Variants in ZNF43 observed in about 807,000 individuals in gnomAD.
The protein encoded by ZNF43 is zinc finger protein 39-like 1 (KOX 27).
ZNF43 carries 44 observed loss-of-function variants against 68.4 expected under a neutral mutation model. The observed-to-expected ratio is 0.64, with a 90% CI of 0.51 to 0.83. The LOEUF (loss-of-function observed/expected upper bound fraction) is 0.83. ZNF43 is among the 40% of genes least tolerant of loss of function. ZNF43 has a pLI of 0.00. For missense variants in ZNF43, 896 were observed against 933.2 expected, an observed-to-expected ratio of 0.96 and a Z score of 0.52; for synonymous variants, 308 against 307.8, an observed-to-expected ratio of 1.00 and a Z score of -0.01.
intron 1 of ZNF43, chr19:21,843,406 T>C (rs768492699): frequency 8.4e-5 from 83 of 984,794 alleles, no homozygotes; most frequent in East Asian, 2.3e-4. Context: ...CATTTGGATA[T>C]TGGGTCTAAG....
chr19:21,837,463 C>A (rs559523747), upstream of ZNF43, among the ~76,000 whole-genome samples: 35 of 112,212 alleles, frequency 3.1e-4, no homozygotes, highest in Non-Finnish European at 5.3e-4. Flanking sequence ...CTTGCTCTGT[C>A]GACCAGGCTG....
intron 3 of ZNF43, 28 bp from the exon 4 acceptor site, chr19:21,809,835 T>G: frequency 6.7e-7 from 1 of 1,496,874 alleles, no homozygotes; most frequent in Non-Finnish European, 8.9e-7. Flanking sequence ...AACAAATTAT[T>G]CCACTTGCTA....
At chr19:21,846,712 T>C (rs1967979150) in intron 1 of ZNF43, among the ~76,000 whole-genome samples, 1 of 152,198 alleles carries the variant, frequency 6.6e-6, no homozygotes, top group African/African-American at 2.4e-5. Context: ...AAATCAGCTA[T>C]GTGCTGCAAA....
intron 1 of ZNF43, among the ~76,000 whole-genome samples, chr19:21,850,232 T>C (rs1599557148): frequency 1.3e-5 from 2 of 152,146 alleles, no homozygotes; most frequent in African/African-American, 2.4e-5. Context: ...TCCTAGGTGA[T>C]TGATGCAGAG....
rs748612562 is a variant in ZNF43 at position 21,809,520 on chromosome 19, GT to G, written c.516del (p.Lys172AsnfsTer18). 6.2e-6 allele frequency: 10 copies of G among 1,613,062 alleles called. No individual in the cohort carries two copies. The highest frequency in any genetic ancestry group is 2.2e-5 in the South Asian group (2 of 91,052). ...TTGCCACATTCTTTGCATTTGAAAA[GT>G]TTTTTTTCAGTATGGCTTATCTTAT... ...NRHKISHTEK[K>X]LFKCKECGKS... On this transcript the variant is annotated frameshift_variant, in exon 4 of 4. Coordinates refer to ENST00000354959, the MANE Select transcript of ZNF43 (RefSeq NM_003423.4). LOFTEE classifies it high-confidence loss of function.
chr19:21,845,012 G>T (rs1967856661), intron 1 of ZNF43, among the ~76,000 whole-genome samples: 1 of 147,458 alleles, frequency 6.8e-6, no homozygotes, highest in Admixed American at 6.8e-5. Context: ...ACCTGGGGCT[G>T]GTCTAGAGAT....
intron 3 of ZNF43, among the ~76,000 whole-genome samples, chr19:21,811,526 C>T (rs1237903989): frequency 6.8e-6 from 1 of 147,854 alleles, no homozygotes; most frequent in Non-Finnish European, 1.5e-5. Context: ...CAGAGCGAGA[C>T]TCTGTCTCTA....
intron 1 of ZNF43, among the ~76,000 whole-genome samples, chr19:21,848,011 C>T (rs142502496): frequency 4.6e-5 from 7 of 151,628 alleles, no homozygotes; most frequent in East Asian, 2.0e-4. Flanking sequence ...TTAGTAGAGA[C>T]GTTTCACCAT....
At chr19:21,851,998 G>A (rs1287901863) in exon 1 of ZNF43, 14 of 1,504,312 alleles carry the variant, frequency 9.3e-6, no homozygotes, top group African/African-American at 5.6e-5. Flanking sequence ...CAAAGTCACC[G>A]GGGATTCCCG....
At chr19:21,836,287 G>A (rs1032228028), upstream of ZNF43, 55 of 1,283,580 alleles carry the variant, frequency 4.3e-5, no homozygotes, top group Middle Eastern at 2.9e-4. Context: ...CTAAGGTCCT[G>A]CCCCCGCAAA....
chr19:21,850,963 T>C (rs1421938480), intron 1 of ZNF43: 11 of 152,256 alleles, frequency 7.2e-5, no homozygotes, highest in Admixed American at 7.2e-4. Flanking sequence ...GGAATGAGAT[T>C]AGAAATTCCA....
chr19:21,828,564 A>G (rs1356580667), intron 1 of ZNF43, among the ~76,000 whole-genome samples: 1 of 151,974 alleles, frequency 6.6e-6, no homozygotes, highest in Non-Finnish European at 1.5e-5. Flanking sequence ...TAAAAGTACA[A>G]AATTTAGCCA....
chr19:21,831,037 C>A (rs1307269595), intron 1 of ZNF43, among the ~76,000 whole-genome samples: 1 of 152,148 alleles, frequency 6.6e-6, no homozygotes, highest in African/African-American at 2.4e-5. Context: ...AAAAATCTTT[C>A]AAGAAAATTT....
chr19:21,817,155 A>G (rs2037567802), intron 3 of ZNF43, among the ~76,000 whole-genome samples: 1 of 149,930 alleles, frequency 6.7e-6, no homozygotes, highest in Admixed American at 6.7e-5. Flanking sequence ...GAGAGAAGGC[A>G]GAGGTTGCAG....
chr19:21,814,473 C>T (rs1005487735), intron 3 of ZNF43, among the ~76,000 whole-genome samples: 24 of 151,150 alleles, frequency 1.6e-4, no homozygotes, highest in African/African-American at 5.1e-4. Flanking sequence ...TGCAACGGCA[C>T]GATCTGGCTC....
chr19:21,845,751 G>A (rs1354481723), intron 1 of ZNF43, among the ~76,000 whole-genome samples: 1 of 152,028 alleles, frequency 6.6e-6, no homozygotes, highest in Non-Finnish European at 1.5e-5. Flanking sequence ...AAATTAGCCA[G>A]GTGTGGTGGT....
rs542245829 is a variant in ZNF43 at position 21,836,149 on chromosome 19, G to C, written c.-111C>G. On this transcript the variant is annotated 5_prime_UTR_variant, in exon 1 of 4. Transcript: ENST00000354959. ...GCAGCAGAGGACACAGAAGAACGAA[G>C]ACGAGACGCAGAGCTCCAACTGCAG... 97 of 1,581,216 alleles carry C rather than the reference G, an allele frequency of 6.1e-5. No individual in the cohort carries two copies. The highest frequency in any genetic ancestry group is 8.0e-5 in the Non-Finnish European group (93 of 1,162,804).
Position 21,809,335 on chromosome 19 carries a change from T to C in ZNF43, c.702A>G (p.Glu234=). 2 of 1,613,910 alleles carry C rather than the reference T, an allele frequency of 1.2e-6. No homozygotes were observed. Among genetic ancestry groups the C allele is most frequent in the Non-Finnish European group, 1.7e-6 (2 of 1,179,930 alleles). The change falls in exon 4 of 4, where the codon GAA becomes GAG. Residue 234 remains glutamate (E), a synonymous_variant. Coordinates refer to ENST00000354959, the MANE Select transcript of ZNF43 (RefSeq NM_003423.4). The stretch of plus-strand genomic sequence containing the variant: ...AGGACCAATTAAAGACTTTGCCACA[T>C]TCTTCACATGTGTAGGGTTTCTCTC... ...NTGEKPYTCE[E]CGKVFNWSSR... is the part of the protein sequence containing the mutation.
intron 3 of ZNF43, among the ~76,000 whole-genome samples, chr19:21,815,486 CAT>C (rs58951070): frequency 0.6 from 84,065 of 139,470 alleles, 25,072 homozygotes; most frequent in Admixed American, 0.69. Flanking sequence ...AACTAAATTA[CAT>C]ATATATATAT....
Sources: gnomAD v4.1 joint callset for allele counts (sites outside exome capture counted in the v4.1 genomes callset) on GRCh38, gnomAD v4.1.1 for gene constraint, MANE v1.5 for transcripts, NCBI Gene and HGNC (gene_info 2026-07-23, HGNC 2026-07-21) for gene names.